The following CCDC7 variants were observed in gnomAD, a reference collection of about 807,000 sequenced individuals.
CCDC7 encodes the protein coiled-coil domain-containing protein 7.
CCDC7 carries 183 observed loss-of-function variants against 196.9 expected under a neutral mutation model. The ratio of observed to expected loss-of-function variants is 0.93; its 90% CI spans 0.82 to 1.05. The LOEUF (loss-of-function observed/expected upper bound fraction) is 1.05. Among genes scored for constraint, CCDC7 ranks in the 50% least tolerant of loss-of-function variants. The pLI is 0.00. For missense variants in CCDC7, 1,540 were observed against 1,482.2 expected (o/e 1.04, Z -0.64); for synonymous variants, 525 against 484.6 (o/e 1.08, Z -1.10).
intron 31 of CCDC7, among the ~76,000 whole-genome samples, chr10:32,816,926 T>C (rs1322083914): frequency 1.3e-5 from 2 of 151,960 alleles, no homozygotes; most frequent in Admixed American, 6.6e-5. Flanking sequence ...AAAATCAGAG[T>C]GCCTCTCCTC....
chr10:32,561,506 C>A (rs149078236), intron 13 of CCDC7, among the ~76,000 whole-genome samples: 52,054 of 151,724 alleles, frequency 0.34, 11,245 homozygotes, highest in Non-Finnish European at 0.49. Context: ...TCACTCAAAA[C>A]CGCTCAACTA....
At chr10:32,609,560 A>C (rs995498550) in intron 18 of CCDC7, among the ~76,000 whole-genome samples, 1 of 150,986 alleles carries the variant, frequency 6.6e-6, no homozygotes, top group African/African-American at 2.4e-5. Context: ...TTAAGTGGGG[A>C]ACTCATTTAT....
intron 29 of CCDC7, among the ~76,000 whole-genome samples, chr10:32,796,557 G>A (rs768278046): frequency 2.0e-5 from 3 of 152,152 alleles, no homozygotes; most frequent in Non-Finnish European, 4.4e-5. Context: ...TAGCAATGTA[G>A]TTTCCTAAAC....
chr10:32,639,985 T>G (rs559537833), intron 20 of CCDC7, among the ~76,000 whole-genome samples: 1 of 152,244 alleles, frequency 6.6e-6, no homozygotes, highest in South Asian at 2.1e-4. Flanking sequence ...TTGGAATAAG[T>G]GTGGTGTGGT....
rs139624164 is a variant in CCDC7, at chr10:32,802,440, A to G, written c.3014-2575A>G. The stretch of plus-strand genomic sequence containing the variant: ...ATCCTTAGCATTTTTGGGTCTAATC[A>G]TATTAAGCAGGCAACTCCAGAAACC... On this transcript the variant is annotated intron_variant, in intron 29 of 41. Transcript: ENST00000639629. Among the ~76,000 whole-genome samples, 10 of 152,294 alleles carry G rather than the reference A, an allele frequency of 6.6e-5. No homozygotes were observed. The East Asian group carries it at 1.7e-3, about 26-fold the overall frequency.
intron 23 of CCDC7, among the ~76,000 whole-genome samples, chr10:32,689,794 G>C (rs1367699889): frequency 6.6e-6 from 1 of 151,950 alleles, no homozygotes; most frequent in Non-Finnish European, 1.5e-5. Context: ...GAGTGCAGTG[G>C]CCCGATCTTG....
chr10:32,714,831 C>G (rs2081347629), intron 25 of CCDC7, among the ~76,000 whole-genome samples: 1 of 152,172 alleles, frequency 6.6e-6, no homozygotes, highest in African/African-American at 2.4e-5. Flanking sequence ...GCCACTGTAA[C>G]CAGGCTGTCT....
chr10:32,694,402 G>A (rs1418007464), intron 23 of CCDC7, among the ~76,000 whole-genome samples: 1 of 152,282 alleles, frequency 6.6e-6, no homozygotes, highest in East Asian at 1.9e-4. Flanking sequence ...ACGGCAAAAT[G>A]GGTTTCATTA....
intron 18 of CCDC7, among the ~76,000 whole-genome samples, chr10:32,590,677 T>C (rs1236788815): frequency 6.6e-6 from 1 of 152,212 alleles, no homozygotes; most frequent in South Asian, 2.1e-4. Flanking sequence ...CTGGTGTTGA[T>C]AAAATCCCTC....
At chr10:32,682,619 A>T (rs1304524129) in intron 21 of CCDC7, among the ~76,000 whole-genome samples, 2 of 152,228 alleles carry the variant, frequency 1.3e-5, no homozygotes, top group Non-Finnish European at 2.9e-5. Flanking sequence ...TCAGCAATGT[A>T]TAAAGCCTTC....
At chr10:32,560,918 AG>A (rs1228279680) in intron 13 of CCDC7, among the ~76,000 whole-genome samples, 3 of 150,382 alleles carry the variant, frequency 2.0e-5, no homozygotes, top group Non-Finnish European at 4.4e-5. Flanking sequence ...TGCTGTATTC[AG>A]GAAACCATCT....
At position 32,453,198 on chromosome 10, in the gene CCDC7, A is replaced by T. The variant is rs150072889; in HGVS notation, c.280-146A>T. On this transcript the variant is annotated intron_variant, in intron 1 of 41. Coordinates refer to ENST00000639629, the Ensembl canonical transcript of CCDC7. ...ATGATGACATGAAATTGGGTATGGGATGAAAAATTTAAGTTTATGGCACTG... is the reference window on the plus strand; with the variant it reads ...ATGATGACATGAAATTGGGTATGGGTTGAAAAATTTAAGTTTATGGCACTG... The T allele has an allele frequency of 1.4e-3, 634 of 465,948 alleles. 6 individuals are homozygous for T. Among genetic ancestry groups the T allele is most frequent in the African/African-American group, 0.012 (572 of 48,476 alleles). 28.9% of individuals were successfully genotyped at this position (465,948 alleles called of 1,614,324 possible).
intron 33 of CCDC7, among the ~76,000 whole-genome samples, chr10:32,840,092 G>A (rs1320982245): frequency 3.3e-5 from 5 of 151,746 alleles, no homozygotes; most frequent in East Asian, 1.9e-4. Context: ...CACACCTCAC[G>A]GAACTGGAGA....
At chr10:32,507,528 G>A (rs2045391708) in intron 9 of CCDC7, among the ~76,000 whole-genome samples, 1 of 152,098 alleles carries the variant, frequency 6.6e-6, no homozygotes, top group African/African-American at 2.4e-5. Flanking sequence ...TTGGCTTACT[G>A]CAGCCTCTGC....
At chr10:32,731,202 T>A (rs2083908683) in intron 28 of CCDC7, among the ~76,000 whole-genome samples, 1 of 152,160 alleles carries the variant, frequency 6.6e-6, no homozygotes, top group African/African-American at 2.4e-5. Flanking sequence ...CAGTCTCTAG[T>A]AAGGTCTTTT....
chr10:32,873,625 C>A, intron 41 of CCDC7, among the ~76,000 whole-genome samples: 1 of 151,866 alleles, frequency 6.6e-6, no homozygotes, highest in Non-Finnish European at 1.5e-5. Context: ...TATCCGCTCA[C>A]CAGTTGGTGG....
At chr10:32,748,793 G>T (rs192667253) in intron 28 of CCDC7, among the ~76,000 whole-genome samples, 9 of 152,090 alleles carry the variant, frequency 5.9e-5, no homozygotes, top group African/African-American at 2.2e-4. Context: ...AACCCTAGTC[G>T]GTTTGGCTCT....
At chr10:32,683,088 A>G (rs576508372) in intron 21 of CCDC7, among the ~76,000 whole-genome samples, 3 of 152,256 alleles carry the variant, frequency 2.0e-5, no homozygotes, top group Admixed American at 2.0e-4. Context: ...ATCCAGAATG[A>G]TATTCCCTAG....
intron 30 of CCDC7, among the ~76,000 whole-genome samples, chr10:32,807,096 T>C (rs2085996948): frequency 6.6e-6 from 1 of 152,186 alleles, no homozygotes; most frequent in Admixed American, 6.5e-5. Context: ...AATTTATTCC[T>C]ATCAGAACTG....
Sources: allele counts gnomAD v4.1 joint callset (sites outside exome capture counted in the v4.1 genomes callset), GRCh38; gene constraint gnomAD v4.1.1; transcripts MANE v1.5; gene names NCBI Gene and HGNC (gene_info 2026-07-23, HGNC 2026-07-21).